MAGI2: variants seen among roughly 807,000 people sequenced by gnomAD.
The protein encoded by MAGI2 is membrane-associated guanylate kinase, WW and PDZ domain-containing protein 2.
In MAGI2, 35 loss-of-function variants were observed where a neutral mutation model predicts 133.3. The ratio of observed to expected loss-of-function variants is 0.26; its 90% CI spans 0.20 to 0.35. MAGI2 has a LOEUF of 0.35. MAGI2 is among the 10% of genes least tolerant of loss of function. The probability of loss-of-function intolerance (pLI) is 1.00; values close to 1 mark genes in which losing one functional copy is unlikely to be tolerated. For missense variants in MAGI2, 1,636 were observed against 1,863.4 expected (o/e 0.88, Z 2.25); for synonymous variants, 729 against 710.6 (o/e 1.03, Z -0.41).
chr7:78,761,299 C>T (rs1353791430), intron 2 of MAGI2, among the ~76,000 whole-genome samples: 2 of 152,122 alleles, frequency 1.3e-5, no homozygotes, highest in Non-Finnish European at 2.9e-5. Context: ...CATAGCTTGA[C>T]AAAAGAAATA....
intron 7 of MAGI2, among the ~76,000 whole-genome samples, chr7:78,366,757 T>C (rs1349742931): frequency 6.6e-6 from 1 of 152,184 alleles, no homozygotes; most frequent in Non-Finnish European, 1.5e-5. Flanking sequence ...TAACATTGTC[T>C]TTAAGTTTGA....
At chr7:78,063,316 G>A (rs769224812) in intron 21 of MAGI2, among the ~76,000 whole-genome samples, 11 of 152,132 alleles carry the variant, frequency 7.2e-5, no homozygotes, top group South Asian at 2.1e-4. Flanking sequence ...ATCATCGCTC[G>A]TTGCAGCCTC....
At position 78,591,938 on chromosome 7, in the gene MAGI2, A is replaced by T. The variant is rs535768896; in HGVS notation, c.538+35182T>A. ...AGAGAAGACTCTTGAAAACTTTTTT[A>T]AAAAATCTGATGGAAAAAATGTAAA... On this transcript the variant is annotated intron_variant, in intron 3 of 21. Transcript: ENST00000354212. Among the ~76,000 whole-genome samples, 322 of 152,342 alleles carry T rather than the reference A, an allele frequency of 2.1e-3. 1 individual carries two copies. The highest frequency in any genetic ancestry group is 2.5e-3 in the Admixed American group (39 of 15,310).
rs147807658 is a variant in MAGI2, at chr7:78,875,557, G to A, written c.418+131533C>T. ...CATGTGTAGACAAATAAATAGTTTG[G>A]CTTTAAGCAAATTAATTACTTATCA... On this transcript the variant is annotated intron_variant, in intron 2 of 21. Transcript: ENST00000354212. Among the ~76,000 whole-genome samples, 28 of 152,248 alleles carry A rather than the reference G, an allele frequency of 1.8e-4. No homozygotes were observed. In the East Asian group the frequency reaches 5.4e-3, roughly 29 times the overall value.
At chr7:78,383,415 G>C (rs894464249) in intron 6 of MAGI2, among the ~76,000 whole-genome samples, 1 of 152,020 alleles carries the variant, frequency 6.6e-6, no homozygotes, top group Non-Finnish European at 1.5e-5. Context: ...GTCTTCTTTT[G>C]AGAACTGTCT....
intron 6 of MAGI2, among the ~76,000 whole-genome samples, chr7:78,457,988 C>T (rs1175347347): frequency 1.3e-5 from 2 of 152,074 alleles, no homozygotes; most frequent in East Asian, 1.9e-4. Flanking sequence ...TTATAGTCTA[C>T]ACATAGTTTA....
At chr7:79,211,301 G>A (rs1709652907) in intron 1 of MAGI2, among the ~76,000 whole-genome samples, 2 of 151,784 alleles carry the variant, frequency 1.3e-5, no homozygotes, top group East Asian at 1.9e-4. Context: ...TTTTAAGACA[G>A]GGTCTTGTTC....
intron 3 of MAGI2, among the ~76,000 whole-genome samples, chr7:78,624,393 A>G (rs781498192): frequency 6.6e-6 from 1 of 152,130 alleles, no homozygotes; most frequent in Non-Finnish European, 1.5e-5. Flanking sequence ...ACCCATGCCT[A>G]TATCCTGAAT....
chr7:79,161,717 T>C (rs775290728), intron 1 of MAGI2, among the ~76,000 whole-genome samples: 5 of 152,012 alleles, frequency 3.3e-5, no homozygotes, highest in Non-Finnish European at 5.9e-5. Flanking sequence ...AAAAGAAGGG[T>C]CAAGAAAATC....
intron 2 of MAGI2, among the ~76,000 whole-genome samples, chr7:78,853,347 T>C (rs1793328263): frequency 3.7e-5 from 3 of 81,322 alleles, no homozygotes; most frequent in African/African-American, 9.0e-5. Flanking sequence ...TTTTTTTTTT[T>C]TTTTTTTTTT....
chr7:79,212,683 C>A (rs1172884982), intron 1 of MAGI2, among the ~76,000 whole-genome samples: 1 of 152,070 alleles, frequency 6.6e-6, no homozygotes, highest in East Asian at 1.9e-4. Context: ...AATTTATTTT[C>A]TGCTTTCTCT....
intron 10 of MAGI2, among the ~76,000 whole-genome samples, chr7:78,238,443 G>A (rs546202064): frequency 7.2e-5 from 11 of 152,040 alleles, no homozygotes; most frequent in East Asian, 5.8e-4. Flanking sequence ...GTACATGCCC[G>A]TAGTACCAGC....
chr7:79,082,163 A>C (rs569720429), intron 1 of MAGI2, among the ~76,000 whole-genome samples: 10 of 152,066 alleles, frequency 6.6e-5, no homozygotes, highest in Admixed American at 3.3e-4. Flanking sequence ...CTTCCATCAC[A>C]TGAGTTCCCT....
intron 20 of MAGI2, among the ~76,000 whole-genome samples, chr7:78,117,749 A>C (rs1006781146): frequency 6.6e-6 from 1 of 152,230 alleles, no homozygotes; most frequent in African/African-American, 2.4e-5. Context: ...TGTGATTTTT[A>C]TGCAGAAAAT....
At chr7:78,388,293 C>CATT (rs1348390163) in intron 6 of MAGI2, among the ~76,000 whole-genome samples, 2 of 141,434 alleles carry the variant, frequency 1.4e-5, no homozygotes, top group African/African-American at 5.4e-5. Context: ...TCATCATCAT[C>CATT]ATCGTCATCA....
At chr7:78,032,920 G>A (rs1809741856) in intron 21 of MAGI2, among the ~76,000 whole-genome samples, 1 of 152,078 alleles carries the variant, frequency 6.6e-6, no homozygotes. Flanking sequence ...AGAAGGAAGT[G>A]TGAGATCATA....
At chr7:78,932,971 G>A (rs971817666) in intron 2 of MAGI2, among the ~76,000 whole-genome samples, 5 of 152,124 alleles carry the variant, frequency 3.3e-5, no homozygotes, top group East Asian at 3.9e-4. Flanking sequence ...CGGCAGCCAC[G>A]CTAAGTGTAA....
At chr7:78,335,346 T>C (rs1344370493) in intron 9 of MAGI2, among the ~76,000 whole-genome samples, 1 of 152,162 alleles carries the variant, frequency 6.6e-6, no homozygotes, top group East Asian at 1.9e-4. Context: ...AGTCAGAGAA[T>C]GGGAGTGTCT....
At chr7:78,508,816 A>C (rs1382523595) in intron 4 of MAGI2, among the ~76,000 whole-genome samples, 1 of 152,152 alleles carries the variant, frequency 6.6e-6, no homozygotes, top group East Asian at 1.9e-4. Context: ...GGAAGTGGCT[A>C]AGTAAAATTG....
Sources: allele counts gnomAD v4.1 joint callset (sites outside exome capture counted in the v4.1 genomes callset), GRCh38; gene constraint gnomAD v4.1.1; transcripts MANE v1.5; gene names NCBI Gene and HGNC (gene_info 2026-07-23, HGNC 2026-07-21).